Variants in PTPRM observed in about 807,000 individuals in gnomAD.
PTPRM encodes receptor-type tyrosine-protein phosphatase mu.
A neutral mutation model predicts 186.7 loss-of-function variants in PTPRM; 47 were observed. That is an observed-to-expected ratio of 0.25 (90% CI 0.20 to 0.32). PTPRM has a LOEUF of 0.32. PTPRM is among the 10% of genes least tolerant of loss of function. PTPRM has a pLI of 1.00. For synonymous variants in PTPRM, 668 were observed against 674.9 expected (o/e 0.99, Z 0.16); for missense variants, 1,494 against 1,865.0 (o/e 0.80, Z 3.66).
At chr18:8,378,529 T>C in intron 27 of PTPRM, 115 bp downstream of exon 27, 3 of 1,306,394 alleles carry the variant, frequency 2.3e-6, no homozygotes, top group Non-Finnish European at 3.1e-6. Context: ...TCCATAGCAC[T>C]GTTCGTATTC....
chr18:8,197,974 T>A (rs989721061), intron 14 of PTPRM, among the ~76,000 whole-genome samples: 2 of 152,028 alleles, frequency 1.3e-5, no homozygotes, highest in Non-Finnish European at 2.9e-5. Context: ...TGGGATGGAG[T>A]GACCTGAGTC....
chr18:8,057,350 C>G (rs77170547), intron 7 of PTPRM, among the ~76,000 whole-genome samples: 1 of 150,544 alleles, frequency 6.6e-6, no homozygotes. Context: ...CTTCAAAAAC[C>G]CTAAACACCA....
At chr18:7,937,277 C>T (rs761191460) in intron 5 of PTPRM, among the ~76,000 whole-genome samples, 33 of 152,202 alleles carry the variant, frequency 2.2e-4, no homozygotes, top group Non-Finnish European at 3.4e-4. Context: ...AGAAGCTCCC[C>T]GAGCCAGGGC....
Position 7,955,320 on chromosome 18 carries a change from T to C in PTPRM, c.1038T>C (p.Asp346=), listed in dbSNP as rs756865869. 1.2e-6 allele frequency: 2 copies of C among 1,614,174 alleles called. No individual in the cohort carries two copies. The highest frequency in any genetic ancestry group is 2.2e-5 in the East Asian group (1 of 44,880). Residue 346 remains aspartate (D), a synonymous_variant, in exon 7 of 33, where the codon GAT becomes GAC. Transcript: ENST00000580170. ...TSYKIGHLDP[D]TEYEISVLLT... is the part of the protein sequence containing the mutation. ...ATAAAATTGGACACCTTGACCCAGA[T>C]ACAGAATATGAGATTAGTGTGCTCC...
chr18:8,314,513 A>G (rs1486910441), intron 20 of PTPRM, among the ~76,000 whole-genome samples: 1 of 152,246 alleles, frequency 6.6e-6, no homozygotes, highest in Non-Finnish European at 1.5e-5. Context: ...GATTGTATGT[A>G]AAAGTGTCAA....
At chr18:8,065,950 G>A (rs1036001313) in intron 7 of PTPRM, among the ~76,000 whole-genome samples, 3 of 152,170 alleles carry the variant, frequency 2.0e-5, no homozygotes, top group Non-Finnish European at 4.4e-5. Context: ...GCCCTTCAGA[G>A]TGTTCAGTGA....
At chr18:7,865,649 T>C (rs914413174) in intron 2 of PTPRM, among the ~76,000 whole-genome samples, 1 of 152,168 alleles carries the variant, frequency 6.6e-6, no homozygotes, top group Non-Finnish European at 1.5e-5. Context: ...AAATTTTCTT[T>C]TTTTGTTGTG....
At chr18:7,576,551 A>G (rs1033884828) in intron 1 of PTPRM, among the ~76,000 whole-genome samples, 24 of 152,074 alleles carry the variant, frequency 1.6e-4, no homozygotes, top group Non-Finnish European at 3.2e-4. Context: ...TCATGGCTCA[A>G]TGTAGCTTCG....
chr18:7,965,092 GCAAT>G (rs1336024467), intron 7 of PTPRM, among the ~76,000 whole-genome samples: 1 of 141,834 alleles, frequency 7.1e-6, no homozygotes, highest in African/African-American at 2.7e-5. Context: ...AGGCTGGAGT[GCAAT>G]GTGCAATGGC....
chr18:7,676,627 CTGTGTGTGTGTG>C (rs751900694), intron 1 of PTPRM, among the ~76,000 whole-genome samples: 78 of 141,498 alleles, frequency 5.5e-4, no homozygotes, highest in South Asian at 2.8e-3. Context: ...GAGATTCTAG[CTGTGTGTGTGTG>C]TGTGTGTGTG....
intron 2 of PTPRM, among the ~76,000 whole-genome samples, chr18:7,862,012 T>C (rs1370066227): frequency 6.6e-6 from 1 of 151,800 alleles, no homozygotes; most frequent in African/African-American, 2.4e-5. Context: ...GGACGAGGAA[T>C]CACAGAAAGA....
chr18:7,933,675 G>A (rs189163684), intron 5 of PTPRM, among the ~76,000 whole-genome samples: 4 of 152,290 alleles, frequency 2.6e-5, no homozygotes, highest in Non-Finnish European at 4.4e-5. Context: ...CAAACAAATC[G>A]TGTAGCTCCT....
rs998063420 is a variant in PTPRM at position 7,795,984 on chromosome 18, A to AT, written c.196+21719dup. 5.9e-5 allele frequency among the ~76,000 whole-genome samples: 9 copies of AT among 151,374 alleles called. 1 individual carries two copies. Among genetic ancestry groups the AT allele is most frequent in the African/African-American group, 1.9e-4 (8 of 41,218 alleles). On this transcript the variant is annotated intron_variant, in intron 2 of 32. Coordinates refer to ENST00000580170, the MANE Select transcript of PTPRM (RefSeq NM_001105244.2). ...ATGCACCACTACAGCTAATTTTTAAATTTTTTATAGAGACAGAGTTTCACT... is the reference window on the plus strand; with the variant it reads ...ATGCACCACTACAGCTAATTTTTAAATTTTTTTATAGAGACAGAGTTTCACT...
chr18:8,247,103 A>C (rs1215596295), intron 15 of PTPRM, among the ~76,000 whole-genome samples: 1 of 93,576 alleles, frequency 1.1e-5, no homozygotes, highest in Non-Finnish European at 2.6e-5. Context: ...ATACATTTGA[A>C]GAGGTTTTTT....
At chr18:7,628,558 TA>T (rs2038116249) in intron 1 of PTPRM, among the ~76,000 whole-genome samples, 1 of 152,264 alleles carries the variant, frequency 6.6e-6, no homozygotes, top group African/African-American at 2.4e-5. Context: ...GTTGGCATTT[TA>T]AGAGTCACTT....
At chr18:7,922,742 A>G (rs2050938341) in intron 4 of PTPRM, among the ~76,000 whole-genome samples, 2 of 152,130 alleles carry the variant, frequency 1.3e-5, no homozygotes, top group African/African-American at 2.4e-5. Context: ...CCACCATTTC[A>G]GAACTGGCAA....
At chr18:8,343,025 T>G (rs1447433088) in intron 22 of PTPRM, among the ~76,000 whole-genome samples, 1 of 152,234 alleles carries the variant, frequency 6.6e-6, no homozygotes, top group Non-Finnish European at 1.5e-5. Flanking sequence ...GAGGCTCATT[T>G]CATTCTATAT....
chr18:7,725,286 G>A (rs2040524248), intron 1 of PTPRM, among the ~76,000 whole-genome samples: 1 of 152,122 alleles, frequency 6.6e-6, no homozygotes, highest in Non-Finnish European at 1.5e-5. Flanking sequence ...ACAGTTCACT[G>A]ACTTAACAGA....
intron 14 of PTPRM, among the ~76,000 whole-genome samples, chr18:8,205,656 A>G (rs2093917965): frequency 6.6e-6 from 1 of 152,214 alleles, no homozygotes; most frequent in African/African-American, 2.4e-5. Context: ...AGTGGATATC[A>G]TGCCTGCCAG....
Sources: allele counts gnomAD v4.1 joint callset (sites outside exome capture counted in the v4.1 genomes callset), GRCh38; gene constraint gnomAD v4.1.1; transcripts MANE v1.5; gene names NCBI Gene and HGNC (gene_info 2026-07-23, HGNC 2026-07-21).